The following CXCL13 variants were observed in gnomAD, a reference collection of about 807,000 sequenced individuals.
CXCL13 encodes the protein C-X-C motif chemokine ligand 13.
A neutral mutation model predicts 12.2 loss-of-function variants in CXCL13; 7 were observed. That is an observed-to-expected ratio of 0.57 (90% CI 0.33 to 1.07). CXCL13 has a LOEUF of 1.07. Among genes scored for constraint, CXCL13 ranks in the 50% least tolerant of loss-of-function variants. The pLI is 0.04. For missense variants in CXCL13, 113 were observed against 127.4 expected, an observed-to-expected ratio of 0.89 and a Z score of 0.55; for synonymous variants, 47 against 42.4, an observed-to-expected ratio of 1.11 and a Z score of -0.42.
At chr4:77,528,754 C>T (rs374049768) in intron 1 of CXCL13, among the ~76,000 whole-genome samples, 1 of 152,208 alleles carries the variant, frequency 6.6e-6, no homozygotes, top group East Asian at 1.9e-4. Context: ...TGGTAGTTTC[C>T]TTTGCTGTGC....
intron 1 of CXCL13, among the ~76,000 whole-genome samples, chr4:77,516,840 C>T (rs542304642): frequency 6.6e-6 from 1 of 151,978 alleles, no homozygotes; most frequent in Non-Finnish European, 1.5e-5. Flanking sequence ...TATTTCTTAC[C>T]TTCTGCTAGC....
intron 1 of CXCL13, among the ~76,000 whole-genome samples, chr4:77,594,360 T>C (rs1437893831): frequency 6.6e-6 from 1 of 152,168 alleles, no homozygotes; most frequent in Non-Finnish European, 1.5e-5. Context: ...GCACCACTTA[T>C]CTGGAGTACA....
intron 1 of CXCL13, among the ~76,000 whole-genome samples, chr4:77,519,701 A>G (rs1724527198): frequency 6.6e-6 from 1 of 152,190 alleles, no homozygotes; most frequent in Non-Finnish European, 1.5e-5. Flanking sequence ...TTTGCTGTGC[A>G]GAAGATCTTT....
intron 1 of CXCL13, among the ~76,000 whole-genome samples, chr4:77,595,781 G>C (rs938543569): frequency 6.6e-6 from 1 of 152,150 alleles, no homozygotes; most frequent in African/African-American, 2.4e-5. Context: ...TGAGGATGCT[G>C]TTCTGTCACC....
intron 1 of CXCL13, among the ~76,000 whole-genome samples, chr4:77,549,755 C>T (rs1725461106): frequency 6.6e-6 from 1 of 152,180 alleles, no homozygotes; most frequent in Non-Finnish European, 1.5e-5. Flanking sequence ...GTCAGTCAGT[C>T]CCTACTGGGA....
At chr4:77,555,614 AG>A (rs1472689055) in intron 1 of CXCL13, among the ~76,000 whole-genome samples, 1 of 152,104 alleles carries the variant, frequency 6.6e-6, no homozygotes, top group Non-Finnish European at 1.5e-5. Context: ...GAGCAGACAA[AG>A]ATTTCTTAGA....
intron 1 of CXCL13, among the ~76,000 whole-genome samples, chr4:77,519,678 G>A (rs904733738): frequency 6.6e-6 from 1 of 152,206 alleles, no homozygotes; most frequent in Admixed American, 6.5e-5. Flanking sequence ...TGTTCACTGT[G>A]ATGGTAGTTT....
At chr4:77,517,012 G>T (rs1724439219) in intron 1 of CXCL13, among the ~76,000 whole-genome samples, 1 of 151,910 alleles carries the variant, frequency 6.6e-6, no homozygotes, top group South Asian at 2.1e-4. Flanking sequence ...TTGTGTCTTT[G>T]TTCTCGTTGG....
At chr4:77,596,728 T>G (rs1478207999) in intron 1 of CXCL13, among the ~76,000 whole-genome samples, 1 of 142,074 alleles carries the variant, frequency 7.0e-6, no homozygotes, top group East Asian at 2.0e-4. Context: ...GAGGTTGCAG[T>G]GAGCTGAGAC....
At chr4:77,560,144 G>A (rs1415365037) in intron 1 of CXCL13, among the ~76,000 whole-genome samples, 2 of 152,062 alleles carry the variant, frequency 1.3e-5, no homozygotes, top group Admixed American at 6.5e-5. Flanking sequence ...CAGGCCCTGT[G>A]CAAGGGTATA....
chr4:77,570,246 C>T (rs1250001956), intron 1 of CXCL13, among the ~76,000 whole-genome samples: 1 of 152,142 alleles, frequency 6.6e-6, no homozygotes, highest in East Asian at 1.9e-4. Flanking sequence ...GCAATTGCAA[C>T]AAAAGCAAAA....
chr4:77,517,289 T>A (rs1473916156), intron 1 of CXCL13, among the ~76,000 whole-genome samples: 2 of 152,212 alleles, frequency 1.3e-5, no homozygotes, highest in African/African-American at 2.4e-5. Flanking sequence ...TTCTGTTGAT[T>A]TGAGGTGGAG....
intron 1 of CXCL13, among the ~76,000 whole-genome samples, chr4:77,539,400 C>T (rs1369325370): frequency 1.3e-5 from 2 of 152,174 alleles, no homozygotes. Context: ...GTGCTGGGAT[C>T]ACAAGCATGA....
chr4:77,554,684 C>A (rs184745994), intron 1 of CXCL13, among the ~76,000 whole-genome samples: 4 of 152,122 alleles, frequency 2.6e-5, no homozygotes, highest in Admixed American at 2.6e-4. Context: ...CTCATCAAGG[C>A]AACATATATG....
chr4:77,520,760 G>A (rs1408887071), intron 1 of CXCL13, among the ~76,000 whole-genome samples: 1 of 152,166 alleles, frequency 6.6e-6, no homozygotes, highest in Non-Finnish European at 1.5e-5. Flanking sequence ...ATGTTGAATA[G>A]GAGTGGTGAG....
chr4:77,551,101 G>C (rs1433786786), intron 1 of CXCL13, among the ~76,000 whole-genome samples: 2 of 152,164 alleles, frequency 1.3e-5, no homozygotes, highest in Non-Finnish European at 2.9e-5. Context: ...TGCCTTTTAA[G>C]TGGGGCATTT....
At chr4:77,518,351 G>C (rs1311909035) in intron 1 of CXCL13, among the ~76,000 whole-genome samples, 1 of 152,170 alleles carries the variant, frequency 6.6e-6, no homozygotes, top group Admixed American at 6.5e-5. Context: ...TGCCTTGCTA[G>C]ATTGGGGAAG....
In CXCL13 at chr4:77,576,874, A is replaced by C. The variant is rs187463584; in HGVS notation, c.-42-28950A>C. On this transcript the variant is annotated intron_variant, in intron 1 of 4. Transcript: ENST00000286758. ...TCCTATCATGATTTGTTTTTAGCAG[A>C]AATGAGGACTGGAGAGAGAGAAATT... 2.4e-3 allele frequency among the ~76,000 whole-genome samples: 369 copies of C among 152,364 alleles called. 3 individuals are homozygous for C. Among genetic ancestry groups the C allele is most frequent in the African/African-American group, 8.1e-3 (339 of 41,598 alleles).
intron 1 of CXCL13, among the ~76,000 whole-genome samples, chr4:77,544,664 A>G (rs1322187834): frequency 1.3e-5 from 2 of 152,194 alleles, no homozygotes; most frequent in East Asian, 3.8e-4. Flanking sequence ...TCAGATGGGT[A>G]GATTGCAAAA....
Sources: gnomAD v4.1 joint callset for allele counts (sites outside exome capture counted in the v4.1 genomes callset) on GRCh38, gnomAD v4.1.1 for gene constraint, MANE v1.5 for transcripts, NCBI Gene and HGNC (gene_info 2026-07-23, HGNC 2026-07-21) for gene names.